The following KLHL29 variants were observed in gnomAD, a reference collection of about 807,000 sequenced individuals.
KLHL29 encodes the protein kelch-like protein 29.
KLHL29 carries 21 observed loss-of-function variants against 80.4 expected under a neutral mutation model. That is an observed-to-expected ratio of 0.26 (90% CI 0.19 to 0.38). KLHL29 has a LOEUF of 0.38. Ranked by LOEUF, KLHL29 falls within the 10% of genes least tolerant of loss-of-function variation. KLHL29 has a pLI of 1.00. For missense variants in KLHL29, 867 were observed against 1,223.9 expected (o/e 0.71, Z 4.35); for synonymous variants, 511 against 526.8 (o/e 0.97, Z 0.41).
At position 23,693,474 on chromosome 2, in the gene KLHL29, G is replaced by C; in HGVS notation, c.1488G>C (p.Leu496=). The C allele has an allele frequency of 1.3e-6, 2 of 1,551,726 alleles. No individual in the cohort carries two copies. Among genetic ancestry groups the C allele is most frequent in the Non-Finnish European group, 1.7e-6 (2 of 1,146,982 alleles). ...NDSLNTKAEE[L]VYETVIKWIK... ...GCCTCAACACCAAGGCTGAGGAGCT[G>C]GTGTACGAGACAGTCATCAAGTGGA... The change falls in exon 8 of 14, where the codon CTG becomes CTC. Residue 496 remains leucine, a synonymous_variant. Transcript: ENST00000486442.
Position 23,684,572 on chromosome 2 carries a change from C to G in KLHL29, c.1079+35C>G. The G allele has an allele frequency of 6.6e-7, 1 of 1,512,650 alleles. No individual in the cohort carries two copies. The highest frequency in any genetic ancestry group is 8.8e-7 in the Non-Finnish European group (1 of 1,130,034). The allele number at this position is 1,512,650 out of a possible 1,614,324, so 93.7% of individuals were successfully genotyped here. ...CCTTCCAGCTGTGGTCGGGTCTGTT[C>G]CTTTGTAGGACGCTTTTGTGTCGCT... On this transcript the variant is annotated intron_variant, in intron 6 of 13. Transcript: ENST00000486442. The surrounding 1 kb of genome is among the most constrained non-coding windows in gnomAD (Gnocchi z 4.4).
At position 23,693,210 on chromosome 2, in the gene KLHL29, A is replaced by G. The variant is rs1450743001; in HGVS notation, c.1283-59A>G. 4 of 1,500,480 alleles carry G rather than the reference A, an allele frequency of 2.7e-6. No homozygotes were observed. The African/African-American group carries it at 5.5e-5, about 21-fold the overall frequency. 92.9% of individuals were successfully genotyped at this position (1,500,480 alleles called of 1,614,324 possible). A position where few individuals can be genotyped will look rare whatever the true frequency, so the allele number is the denominator to read the frequency against. ...AAGGATCTAGGGTGACAGCAATGGGAACAGGTGGCAACTGCTTCCCGGGCC... is the reference window on the plus strand; with the variant it reads ...AAGGATCTAGGGTGACAGCAATGGGGACAGGTGGCAACTGCTTCCCGGGCC... On this transcript the variant is annotated intron_variant, in intron 7 of 13. Transcript: ENST00000486442.
At chr2:23,679,419 G>T (rs1413554833) in intron 5 of KLHL29, among the ~76,000 whole-genome samples, 1 of 152,218 alleles carries the variant, frequency 6.6e-6, no homozygotes, top group Non-Finnish European at 1.5e-5. Flanking sequence ...GGTGGTGCCA[G>T]GGGTCCCTGG....
chr2:23,572,031 C>T (rs1667728581), intron 3 of KLHL29, among the ~76,000 whole-genome samples: 1 of 152,222 alleles, frequency 6.6e-6, no homozygotes. Context: ...CTCGCTGCTG[C>T]ATACAGGGAT....
At chr2:23,535,902 C>T (rs1666647252) in intron 2 of KLHL29, among the ~76,000 whole-genome samples, 1 of 152,086 alleles carries the variant, frequency 6.6e-6, no homozygotes, top group African/African-American at 2.4e-5. Flanking sequence ...CTAAAATGGT[C>T]GGTTTTAGGT....
At chr2:23,490,564 C>A (rs1361831605) in intron 2 of KLHL29, among the ~76,000 whole-genome samples, 1 of 152,154 alleles carries the variant, frequency 6.6e-6, no homozygotes, top group Non-Finnish European at 1.5e-5. Context: ...TGGTCAAAAG[C>A]CCCCTTCTCA....
At position 23,706,931 on chromosome 2, in the gene KLHL29, G is replaced by C; in HGVS notation, c.*267G>C. The stretch of plus-strand genomic sequence containing the variant: ...CTGAACAGGGGCGCTCGCTCTGCCA[G>C]GTGCAATAGAGTTTCACGTATTTTT... On this transcript the variant is annotated 3_prime_UTR_variant, in exon 14 of 14. Coordinates refer to ENST00000486442, the MANE Select transcript of KLHL29 (RefSeq NM_052920.2). 1 of 354,106 alleles carries C rather than the reference G, an allele frequency of 2.8e-6. No individual in the cohort carries two copies. The highest frequency in any genetic ancestry group is 2.1e-5 in the African/African-American group (1 of 47,732). 21.9% of individuals were successfully genotyped at this position (354,106 alleles called of 1,614,324 possible).
chr2:23,702,755 C>T (rs937559738), intron 11 of KLHL29, among the ~76,000 whole-genome samples: 1 of 152,198 alleles, frequency 6.6e-6, no homozygotes, highest in Non-Finnish European at 1.5e-5. Flanking sequence ...GCCTTCCCCA[C>T]GAGGCCATAA....
At chr2:23,612,338 T>C (rs1668890133) in intron 3 of KLHL29, among the ~76,000 whole-genome samples, 1 of 152,224 alleles carries the variant, frequency 6.6e-6, no homozygotes, top group Admixed American at 6.5e-5. Flanking sequence ...ATCTTTAAAG[T>C]GCTAAAAGAA....
intron 3 of KLHL29, among the ~76,000 whole-genome samples, chr2:23,594,996 T>C (rs981341909): frequency 2.0e-5 from 3 of 152,210 alleles, no homozygotes; most frequent in Admixed American, 6.5e-5. Context: ...AATAATATAG[T>C]TTTTAATTTC....
rs532835130 is a variant in KLHL29, at chr2:23,432,364, T to C, written c.-153-43196T>C. 5.9e-5 allele frequency among the ~76,000 whole-genome samples: 9 copies of C among 152,380 alleles called. No homozygotes were observed. In the South Asian group the frequency reaches 1.9e-3, roughly 32 times the overall value. ...CGAGCAACACACCTATCTGTGCTCT[T>C]AGCTGGTTACAGTTATTTCCCTGGT... On this transcript the variant is annotated intron_variant, in intron 1 of 13. Transcript: ENST00000486442.
In KLHL29 at chr2:23,597,309, A is replaced by ATGTGTGTGTG. The variant is rs1217422868; in HGVS notation, c.285+34856_285+34865dup. Among the ~76,000 whole-genome samples the ATGTGTGTGTG allele has an allele frequency of 2.0e-3, 197 of 100,496 alleles. 1 individual carries two copies. Among genetic ancestry groups the ATGTGTGTGTG allele is most frequent in the African/African-American group, 4.5e-3 (110 of 24,552 alleles). 65.9% of individuals were successfully genotyped at this position (100,496 alleles called of 152,430 possible). A position where few individuals can be genotyped will look rare whatever the true frequency, so the allele number is the denominator to read the frequency against. On this transcript the variant is annotated intron_variant, in intron 3 of 13. Coordinates refer to ENST00000486442, the MANE Select transcript of KLHL29 (RefSeq NM_052920.2). ...CTCTCTCTCTCTCATATATATATAT[A>ATGTGTGTGTG]TGTGTGTGTGTGTGTGTGTGTGTGT...
At chr2:23,517,273 G>A (rs56310059) in intron 2 of KLHL29, among the ~76,000 whole-genome samples, 4,991 of 152,318 alleles carry the variant, frequency 0.033, 88 homozygotes, top group South Asian at 0.05. Context: ...GGCTGGGCGC[G>A]GTGGCTCACG....
At chr2:23,428,558 C>A (rs193245781) in intron 1 of KLHL29, among the ~76,000 whole-genome samples, 3 of 152,124 alleles carry the variant, frequency 2.0e-5, no homozygotes, top group African/African-American at 7.2e-5. Context: ...TCATACAGGT[C>A]GTCAGTCCCT....
At chr2:23,424,522 C>G (rs1211279679) in intron 1 of KLHL29, among the ~76,000 whole-genome samples, 6 of 152,256 alleles carry the variant, frequency 3.9e-5, no homozygotes, top group African/African-American at 1.4e-4. Flanking sequence ...TTATGTGGAG[C>G]CACCCCAAGT....
At chr2:23,458,401 A>T (rs1271538069) in intron 1 of KLHL29, among the ~76,000 whole-genome samples, 1 of 152,182 alleles carries the variant, frequency 6.6e-6, no homozygotes, top group Non-Finnish European at 1.5e-5. Context: ...ACATAAACAC[A>T]TGGGTGTAGC....
chr2:23,443,312 G>A (rs921570529), intron 1 of KLHL29, among the ~76,000 whole-genome samples: 4 of 152,108 alleles, frequency 2.6e-5, no homozygotes, highest in Non-Finnish European at 5.9e-5. Context: ...CTCCTGCTTT[G>A]CCACAGTGGT....
chr2:23,595,583 GGGCAGGAAGGGT>G, intron 3 of KLHL29, among the ~76,000 whole-genome samples: 1 of 152,352 alleles, frequency 6.6e-6, no homozygotes, highest in South Asian at 2.1e-4. Flanking sequence ...GAGAAGGAGT[GGGCAGGAAGGGT>G]GGCAGGCAGC....
intron 2 of KLHL29, among the ~76,000 whole-genome samples, chr2:23,545,926 G>C (rs1246949270): frequency 1.3e-5 from 2 of 152,206 alleles, no homozygotes; most frequent in Non-Finnish European, 2.9e-5. Context: ...AGACCCCTTT[G>C]TTGAGCCCCA....
Sources: gnomAD v4.1 joint callset for allele counts (sites outside exome capture counted in the v4.1 genomes callset) on GRCh38, gnomAD v4.1.1 for gene constraint, Gnocchi (gnomAD v3.1) non-coding constraint, MANE v1.5 for transcripts, NCBI Gene and HGNC (gene_info 2026-07-23, HGNC 2026-07-21) for gene names.